Variants in OPCML observed in about 807,000 individuals in gnomAD.
The protein encoded by OPCML is opioid-binding protein/cell adhesion molecule.
A neutral mutation model predicts 37.8 loss-of-function variants in OPCML; 13 were observed. That is an observed-to-expected ratio of 0.34 (90% CI 0.22 to 0.55). The LOEUF is 0.55. OPCML is among the 20% of genes least tolerant of loss of function. The probability of loss-of-function intolerance (pLI) is 0.91; values close to 1 mark genes in which losing one functional copy is unlikely to be tolerated. For missense variants in OPCML, 341 were observed against 435.6 expected (o/e 0.78, Z 1.93); for synonymous variants, 176 against 168.8 (o/e 1.04, Z -0.33).
At chr11:133,340,777 T>C (rs1943852454) in intron 1 of OPCML, among the ~76,000 whole-genome samples, 1 of 152,074 alleles carries the variant, frequency 6.6e-6, no homozygotes, top group African/African-American at 2.4e-5. Context: ...GGCTTAAGTG[T>C]ATGTATAAGA....
At chr11:133,279,367 A>G (rs1359205143) in intron 1 of OPCML, among the ~76,000 whole-genome samples, 1 of 152,210 alleles carries the variant, frequency 6.6e-6, no homozygotes, top group Non-Finnish European at 1.5e-5. Context: ...AGGTATGGCC[A>G]GGGTTCAGTG....
At chr11:132,898,844 C>A (rs563029672) in intron 2 of OPCML, among the ~76,000 whole-genome samples, 8 of 151,662 alleles carry the variant, frequency 5.3e-5, no homozygotes, top group Non-Finnish European at 1.0e-4. Context: ...GACTGCCCCC[C>A]CCACCCCCGC....
intron 2 of OPCML, among the ~76,000 whole-genome samples, chr11:132,733,449 G>A (rs1431292614): frequency 6.6e-6 from 1 of 152,160 alleles, no homozygotes; most frequent in African/African-American, 2.4e-5. Context: ...GTGTAGCTGA[G>A]AGGTATTAGA....
intron 1 of OPCML, among the ~76,000 whole-genome samples, chr11:133,231,866 A>G (rs1940293705): frequency 6.6e-6 from 1 of 152,124 alleles, no homozygotes; most frequent in African/African-American, 2.4e-5. Context: ...AAGTAAGGAG[A>G]GGGGAGGGAG....
intron 1 of OPCML, among the ~76,000 whole-genome samples, chr11:133,252,686 T>C (rs1015787621): frequency 6.6e-6 from 1 of 152,248 alleles, no homozygotes; most frequent in African/African-American, 2.4e-5. Flanking sequence ...TATTTCTCTG[T>C]GCTCCCAGTT....
Position 133,329,593 on chromosome 11 carries a change from T to C in OPCML, c.61+202671A>G, listed in dbSNP as rs1186109929. ...AAACAAGCAATGAATGGGGAAAGGA[T>C]TACCTATTTAATAAATGGTTCTGAG... On this transcript the variant is annotated intron_variant, in intron 1 of 7. Coordinates refer to ENST00000524381, the MANE Select transcript of OPCML (RefSeq NM_001012393.5). Among the ~76,000 whole-genome samples the C allele has an allele frequency of 2.6e-5, 4 of 152,208 alleles. No individual in the cohort carries two copies. In the East Asian group the frequency reaches 7.7e-4, roughly 29 times the overall value.
rs532865628 is a variant in OPCML at position 132,438,291 on chromosome 11, C to T, written c.506-932G>A. ...GAGTTCTGTCAAAACACTGAGATCCCATCAAAACCAAGATAAAGCCCAAGG... is the reference window on the plus strand; with the variant it reads ...GAGTTCTGTCAAAACACTGAGATCCTATCAAAACCAAGATAAAGCCCAAGG... On this transcript the variant is annotated intron_variant, in intron 4 of 7. Transcript: ENST00000524381. Among the ~76,000 whole-genome samples, 6 of 152,308 alleles carry T rather than the reference C, an allele frequency of 3.9e-5. No individual in the cohort carries two copies. In the South Asian group the frequency reaches 1.0e-3, roughly 26 times the overall value.
chr11:133,232,756 G>T (rs966609343), intron 1 of OPCML, among the ~76,000 whole-genome samples: 3 of 152,146 alleles, frequency 2.0e-5, no homozygotes, highest in African/African-American at 7.2e-5. Context: ...TCAAATAGGA[G>T]AGAAAAAGTG....
intron 2 of OPCML, among the ~76,000 whole-genome samples, chr11:132,719,390 G>A (rs944877030): frequency 6.6e-6 from 1 of 152,214 alleles, no homozygotes; most frequent in African/African-American, 2.4e-5. Flanking sequence ...AGAGACTGAC[G>A]AGAACCTGAG....
At chr11:133,180,718 G>C (rs549215129) in intron 1 of OPCML, among the ~76,000 whole-genome samples, 1 of 151,822 alleles carries the variant, frequency 6.6e-6, no homozygotes, top group Non-Finnish European at 1.5e-5. Flanking sequence ...GTATGACATC[G>C]CTCGCCCTCA....
At chr11:132,854,926 G>A (rs1253211892) in intron 2 of OPCML, among the ~76,000 whole-genome samples, 2 of 152,176 alleles carry the variant, frequency 1.3e-5, no homozygotes, top group Non-Finnish European at 2.9e-5. Context: ...ATTCCTAGGT[G>A]TAGGCCAAGC....
chr11:132,722,995 G>A (rs1483569934), intron 2 of OPCML, among the ~76,000 whole-genome samples: 1 of 152,182 alleles, frequency 6.6e-6, no homozygotes, highest in Admixed American at 6.5e-5. Context: ...TGACCCCAGA[G>A]ATGATATTCT....
At chr11:133,447,920 T>C (rs1300868161) in intron 1 of OPCML, among the ~76,000 whole-genome samples, 1 of 152,234 alleles carries the variant, frequency 6.6e-6, no homozygotes, top group African/African-American at 2.4e-5. Flanking sequence ...TAAGTATTTT[T>C]ATATATTCTA....
At chr11:133,071,942 G>GC (rs1948545146) in intron 1 of OPCML, among the ~76,000 whole-genome samples, 1 of 152,138 alleles carries the variant, frequency 6.6e-6, no homozygotes, top group African/African-American at 2.4e-5. Flanking sequence ...AGGATAAAAT[G>GC]CTTGCCCAGA....
chr11:132,927,340 T>C (rs1371465018), intron 2 of OPCML, among the ~76,000 whole-genome samples: 1 of 152,038 alleles, frequency 6.6e-6, no homozygotes, highest in Non-Finnish European at 1.5e-5. Context: ...CTCAACAAGA[T>C]CATCATTGAA....
intron 1 of OPCML, among the ~76,000 whole-genome samples, chr11:133,520,493 C>T (rs1565680700): frequency 2.0e-5 from 3 of 152,232 alleles, no homozygotes; most frequent in Middle Eastern, 3.4e-3. Flanking sequence ...TGTGGGGACA[C>T]GAGATGATGT....
intron 3 of OPCML, among the ~76,000 whole-genome samples, chr11:132,630,341 C>T (rs547259681): frequency 8.5e-5 from 13 of 152,204 alleles, no homozygotes; most frequent in African/African-American, 2.4e-4. Flanking sequence ...GGGGCGGTCA[C>T]GAGGTCAAGA....
At chr11:132,422,779 A>T (rs1304116677) in intron 7 of OPCML, among the ~76,000 whole-genome samples, 1 of 152,210 alleles carries the variant, frequency 6.6e-6, no homozygotes, top group Non-Finnish European at 1.5e-5. Context: ...TGTCCTCAGA[A>T]TCTATGCCCT....
intron 1 of OPCML, among the ~76,000 whole-genome samples, chr11:133,012,397 G>A (rs775910248): frequency 4.6e-5 from 7 of 152,200 alleles, no homozygotes; most frequent in Non-Finnish European, 7.4e-5. Flanking sequence ...GATTGGAAGC[G>A]GTTGGAAAAC....
Sources: gnomAD v4.1 joint callset for allele counts (sites outside exome capture counted in the v4.1 genomes callset) on GRCh38, gnomAD v4.1.1 for gene constraint, MANE v1.5 for transcripts, NCBI Gene and HGNC (gene_info 2026-07-23, HGNC 2026-07-21) for gene names.